FRAS1: variants seen among roughly 807,000 people sequenced by gnomAD.
The protein encoded by FRAS1 is extracellular matrix organizing protein FRAS1.
A neutral mutation model predicts 435.2 loss-of-function variants in FRAS1; 290 were observed. That is an observed-to-expected ratio of 0.67 (90% CI 0.61 to 0.73). FRAS1 has a LOEUF of 0.73. Ranked by LOEUF, FRAS1 falls within the 30% of genes least tolerant of loss-of-function variation. FRAS1 has a pLI of 0.00. For missense variants in FRAS1, 4,860 were observed against 5,001.5 expected (o/e 0.97, Z 0.85); for synonymous variants, 1,800 against 1,851.0 (o/e 0.97, Z 0.71).
At chr4:78,072,531 T>G (rs1190480093) in intron 2 of FRAS1, among the ~76,000 whole-genome samples, 2 of 152,114 alleles carry the variant, frequency 1.3e-5, no homozygotes, top group Admixed American at 6.6e-5. Context: ...ATCTTGAACT[T>G]CTCCAGCAGT....
intron 9 of FRAS1, among the ~76,000 whole-genome samples, chr4:78,270,990 A>G (rs1726647468): frequency 6.6e-6 from 1 of 152,200 alleles, no homozygotes; most frequent in Non-Finnish European, 1.5e-5. Flanking sequence ...TTCTCTCAGT[A>G]AAATAACACA....
At chr4:78,315,029 C>G (rs181950474) in intron 15 of FRAS1, among the ~76,000 whole-genome samples, 1 of 152,114 alleles carries the variant, frequency 6.6e-6, no homozygotes, top group Non-Finnish European at 1.5e-5. Flanking sequence ...GGCACAAGAC[C>G]TGACACAGAC....
At chr4:78,123,154 T>C (rs1403682072) in intron 2 of FRAS1, among the ~76,000 whole-genome samples, 9 of 152,234 alleles carry the variant, frequency 5.9e-5, no homozygotes, top group Non-Finnish European at 8.8e-5. Flanking sequence ...GATTTTTGTA[T>C]AAGGTGTAAG....
chr4:78,197,602 G>T (rs1722869540), intron 2 of FRAS1, among the ~76,000 whole-genome samples: 1 of 152,150 alleles, frequency 6.6e-6, no homozygotes, highest in African/African-American at 2.4e-5. Context: ...CATAGAGAAG[G>T]TTGGGCAAGG....
At chr4:78,450,912 G>C (rs187806778) in intron 45 of FRAS1, among the ~76,000 whole-genome samples, 166 of 152,132 alleles carry the variant, frequency 1.1e-3, no homozygotes, top group Non-Finnish European at 2.1e-3. Flanking sequence ...TTATATATTG[G>C]GGAAAACGTA....
At chr4:78,302,479 A>C (rs990071975) in intron 14 of FRAS1, among the ~76,000 whole-genome samples, 5 of 152,166 alleles carry the variant, frequency 3.3e-5, no homozygotes, top group Admixed American at 1.3e-4. Context: ...CCAACAGTGT[A>C]AAAGTGTTCC....
At chr4:78,465,793 GGTCA>G (rs1271899186) in intron 49 of FRAS1, among the ~76,000 whole-genome samples, 4 of 152,296 alleles carry the variant, frequency 2.6e-5, no homozygotes, top group African/African-American at 9.6e-5. Context: ...TCTTTCTGCG[GGTCA>G]CCAGAGAAGC....
chr4:78,505,126 T>C (rs1266082483), intron 61 of FRAS1, among the ~76,000 whole-genome samples: 3 of 152,248 alleles, frequency 2.0e-5, no homozygotes, highest in Non-Finnish European at 4.4e-5. Flanking sequence ...CCTTTGTGGG[T>C]AATCCGACCT....
chr4:78,454,217 C>T (rs1399911625), intron 47 of FRAS1, among the ~76,000 whole-genome samples: 1 of 150,832 alleles, frequency 6.6e-6, no homozygotes, highest in Non-Finnish European at 1.5e-5. Flanking sequence ...GATCAGCAAA[C>T]ATCAACATCC....
At chr4:78,382,964 A>G (rs1013181897) in intron 27 of FRAS1, among the ~76,000 whole-genome samples, 2 of 152,214 alleles carry the variant, frequency 1.3e-5, no homozygotes, top group Admixed American at 1.3e-4. Flanking sequence ...TCTTTCATGT[A>G]TAAATAGTAG....
chr4:78,157,399 A>G (rs2110019342), intron 2 of FRAS1, among the ~76,000 whole-genome samples: 1 of 152,292 alleles, frequency 6.6e-6, no homozygotes, highest in East Asian at 1.9e-4. Flanking sequence ...GAAATTTCCA[A>G]ATGCTTTCCA....
In FRAS1 at chr4:78,499,849, A is replaced by G. The variant is rs754699920; in HGVS notation, c.9244A>G (p.Ser3082Gly). 42 of 1,613,450 alleles carry G rather than the reference A, an allele frequency of 2.6e-5. No homozygotes were observed. Among genetic ancestry groups the G allele is most frequent in the Non-Finnish European group, 3.6e-5 (42 of 1,179,586 alleles). The change falls in exon 61 of 74, where the codon AGC becomes GGC. Residue 3082 changes from serine to glycine, a missense_variant. Ser to Gly is a moderately conservative substitution (Grantham distance 56). Coordinates refer to ENST00000512123, the MANE Select transcript of FRAS1 (RefSeq NM_025074.7). ...DQNRTSKVRC[S>G]TRDGSAQSGV... ...GAACAGGACCTCCAAGGTTCGCTGC[A>G]GCACGCGGGATGGCTCTGCCCAGTC...
intron 3 of FRAS1, among the ~76,000 whole-genome samples, chr4:78,239,448 G>C (rs11731273): frequency 3.9e-5 from 6 of 151,912 alleles, no homozygotes; most frequent in Non-Finnish European, 8.8e-5. Context: ...AACTGGTTTT[G>C]CTGTTTCTAT....
intron 18 of FRAS1, among the ~76,000 whole-genome samples, chr4:78,329,047 T>C (rs1339949310): frequency 2.0e-5 from 3 of 152,166 alleles, no homozygotes; most frequent in East Asian, 1.9e-4. Flanking sequence ...GGAAAAACTA[T>C]TCTGACTGTT....
chr4:78,066,983 T>C (rs1267561537), intron 2 of FRAS1, among the ~76,000 whole-genome samples: 1 of 152,192 alleles, frequency 6.6e-6, no homozygotes, highest in Non-Finnish European at 1.5e-5. Context: ...AAAAAGCCAT[T>C]TTTATTGTAT....
chr4:78,358,706 CA>C (rs1730960731), intron 20 of FRAS1, among the ~76,000 whole-genome samples: 1 of 152,066 alleles, frequency 6.6e-6, no homozygotes, highest in African/African-American at 2.4e-5. Context: ...ATCTGAGATG[CA>C]GACAAAGATT....
At chr4:78,493,230 G>A (rs948773029) in intron 59 of FRAS1, among the ~76,000 whole-genome samples, 1 of 152,220 alleles carries the variant, frequency 6.6e-6, no homozygotes, top group African/African-American at 2.4e-5. Flanking sequence ...TTCAACCATT[G>A]TGGAAGACAG....
At chr4:78,279,237 G>A (rs7667557) in intron 10 of FRAS1, among the ~76,000 whole-genome samples, 4,759 of 152,280 alleles carry the variant, frequency 0.031, 255 homozygotes, top group African/African-American at 0.11. Flanking sequence ...TGTTTGGCAC[G>A]TTCAAGAAAT....
intron 2 of FRAS1, among the ~76,000 whole-genome samples, chr4:78,109,598 T>C (rs866527417): frequency 3.6e-4 from 25 of 70,142 alleles, no homozygotes; most frequent in East Asian, 7.2e-4. Flanking sequence ...TGGGACGTAT[T>C]TCAAAATAAT....
Sources: allele counts gnomAD v4.1 joint callset (sites outside exome capture counted in the v4.1 genomes callset), GRCh38; gene constraint gnomAD v4.1.1; transcripts MANE v1.5; gene names NCBI Gene and HGNC (gene_info 2026-07-23, HGNC 2026-07-21).